Variants in SREK1IP1 observed in about 807,000 individuals in gnomAD.
The protein encoded by SREK1IP1 is SREK1 interacting protein 1.
Under a neutral mutation model 22.8 loss-of-function variants are expected in SREK1IP1, and 12 were observed. The observed-to-expected ratio is 0.53, with a 90% CI of 0.34 to 0.85. The LOEUF (loss-of-function observed/expected upper bound fraction) is 0.85, where lower values mean the gene tolerates loss of function less well. Among genes scored for constraint, SREK1IP1 ranks in the 40% least tolerant of loss-of-function variants. SREK1IP1 has a pLI of 0.02. For synonymous variants in SREK1IP1, 53 were observed against 52.7 expected, an observed-to-expected ratio of 1.01 and a Z score of -0.02; for missense variants, 147 against 171.8, an observed-to-expected ratio of 0.86 and a Z score of 0.81.
At chr5:64,752,147 T>G (rs1453616094) in intron 2 of SREK1IP1, among the ~76,000 whole-genome samples, 2 of 76,348 alleles carry the variant, frequency 2.6e-5, no homozygotes, top group Non-Finnish European at 5.7e-5. Flanking sequence ...TTTTTGTGTG[T>G]TTTTTTTTTT....
chr5:64,757,296 T>C (rs1362748460), intron 1 of SREK1IP1, among the ~76,000 whole-genome samples: 1 of 152,138 alleles, frequency 6.6e-6, no homozygotes, highest in Non-Finnish European at 1.5e-5. Flanking sequence ...CCTGGGAGGC[T>C]GAGGTAGGAG....
rs1742179713 is a variant in SREK1IP1, at chr5:64,722,313, A to C, written c.*2071T>G. 1 of 152,194 alleles carries C rather than the reference A, an allele frequency of 6.6e-6. No homozygotes were observed. Among genetic ancestry groups the C allele is most frequent in the Non-Finnish European group, 1.5e-5 (1 of 68,034 alleles). 9.4% of individuals were successfully genotyped at this position (152,194 alleles called of 1,614,324 possible). A position where few individuals can be genotyped will look rare whatever the true frequency, so the allele number is the denominator to read the frequency against. ...AGTCATTATTGTGTCACCATTCAGA[A>C]ACCTAATGAGCCAATTTATAATCTC... is the stretch of plus-strand genomic sequence containing the variant. On this transcript the variant is annotated 3_prime_UTR_variant, in exon 5 of 5. Coordinates refer to ENST00000513458, the MANE Select transcript of SREK1IP1 (RefSeq NM_173829.4).
chr5:64,768,206 C>T (rs1743091578), intron 1 of SREK1IP1, among the ~76,000 whole-genome samples: 1 of 152,108 alleles, frequency 6.6e-6, no homozygotes, highest in African/African-American at 2.4e-5. Flanking sequence ...TTTTCTCGGC[C>T]GCTTGCCCCC....
chr5:64,767,630 T>G (rs1049881736), intron 1 of SREK1IP1, among the ~76,000 whole-genome samples: 1 of 152,256 alleles, frequency 6.6e-6, no homozygotes, highest in Admixed American at 6.5e-5. Flanking sequence ...AAGTTAGGGT[T>G]CTGAACCATA....
chr5:64,763,554 GA>G (rs142924171), intron 1 of SREK1IP1, among the ~76,000 whole-genome samples: 37 of 144,600 alleles, frequency 2.6e-4, no homozygotes, highest in Admixed American at 4.1e-4. Context: ...CCCAAAAAAA[GA>G]AAAAAAAAAT....
intron 3 of SREK1IP1, among the ~76,000 whole-genome samples, chr5:64,733,849 G>C (rs1199147596): frequency 6.6e-6 from 1 of 152,048 alleles, no homozygotes; most frequent in Non-Finnish European, 1.5e-5. Flanking sequence ...ATTATAATTA[G>C]TGAAAAAAGC....
At chr5:64,751,771 T>C (rs1299025606) in intron 2 of SREK1IP1, among the ~76,000 whole-genome samples, 1 of 152,232 alleles carries the variant, frequency 6.6e-6, no homozygotes, top group Non-Finnish European at 1.5e-5. Flanking sequence ...CTTGCCTACC[T>C]TTGAAGAAGC....
At chr5:64,764,766 A>G (rs2610248) in intron 1 of SREK1IP1, among the ~76,000 whole-genome samples, 25,506 of 152,188 alleles carry the variant, frequency 0.17, 2,602 homozygotes, top group Non-Finnish European at 0.23. Flanking sequence ...GATCAGATAT[A>G]TGATTCAGGA....
chr5:64,760,123 A>G (rs1742920685), intron 1 of SREK1IP1, among the ~76,000 whole-genome samples: 1 of 152,224 alleles, frequency 6.6e-6, no homozygotes, highest in Non-Finnish European at 1.5e-5. Context: ...TACGGTATGA[A>G]ATAATGGGGA....
chr5:64,739,466 T>C (rs866658548), intron 3 of SREK1IP1, among the ~76,000 whole-genome samples: 1 of 152,098 alleles, frequency 6.6e-6, no homozygotes, highest in Non-Finnish European at 1.5e-5. Context: ...TAGCCTTATA[T>C]TCAGCCAGAG....
Position 64,743,531 on chromosome 5 carries a change from AT to A in SREK1IP1, c.62-2332del, listed in dbSNP as rs142957656. Among the ~76,000 whole-genome samples, 1,093 of 152,118 alleles carry A rather than the reference AT, an allele frequency of 7.2e-3. 21 individuals carry two copies. The highest frequency in any genetic ancestry group is 0.025 in the African/African-American group (1,025 of 41,470). On this transcript the variant is annotated intron_variant, in intron 2 of 4. Coordinates refer to ENST00000513458, the MANE Select transcript of SREK1IP1 (RefSeq NM_173829.4). ...GCTTGTTCAACTCTTCTCCATCTTA[AT>A]TTTTTTGTCTAATAACTTCTGATAG...
intron 1 of SREK1IP1, among the ~76,000 whole-genome samples, chr5:64,764,443 A>T (rs115306333): frequency 5.4e-4 from 83 of 152,364 alleles, no homozygotes; most frequent in African/African-American, 2.0e-3. Context: ...TAGGTAGGAA[A>T]GCACTTGAGA....
rs1361990851 is a variant in SREK1IP1 at position 64,722,882 on chromosome 5, T to C, written c.*1502A>G. 2 of 152,220 alleles carry C rather than the reference T, an allele frequency of 1.3e-5. No individual in the cohort carries two copies. The highest frequency in any genetic ancestry group is 2.4e-5 in the African/African-American group (1 of 41,446). The allele number at this position is 152,220 out of a possible 1,614,324, so 9.4% of individuals were successfully genotyped here. A position where few individuals can be genotyped will look rare whatever the true frequency, so the allele number is the denominator to read the frequency against. On this transcript the variant is annotated 3_prime_UTR_variant, in exon 5 of 5. Coordinates refer to ENST00000513458, the MANE Select transcript of SREK1IP1 (RefSeq NM_173829.4). ...CTGAGTCTTACTGAGGGTATCCACA[T>C]TGGGTGCCAGGTGAAACAAGAATCA...
rs777815328 is a variant in SREK1IP1, at chr5:64,741,084, T to G, written c.178A>C (p.Asn60His). The G allele has an allele frequency of 6.2e-7, 1 of 1,612,264 alleles. No homozygotes were observed. Among genetic ancestry groups the G allele is most frequent in the Non-Finnish European group, 8.5e-7 (1 of 1,179,246 alleles). ...EDSDEENEEL[N>H]KLQALQEKRI... ...TTTTCCTGTAATGCCTGCAATTTAT[T>G]CAGTTCTTCATTCTCTTCATCGCTA... The change falls in exon 3 of 5, where the codon AAT (asparagine) becomes CAT (histidine). Residue 60 changes from asparagine to histidine, a missense_variant. Coordinates refer to ENST00000513458, the MANE Select transcript of SREK1IP1 (RefSeq NM_173829.4).
chr5:64,755,562 A>G (rs6449753), intron 1 of SREK1IP1, among the ~76,000 whole-genome samples: 9,555 of 152,110 alleles, frequency 0.063, 972 homozygotes, highest in African/African-American at 0.22. Context: ...CCATTGGGAG[A>G]GGAGGGAGGA....
At chr5:64,746,218 C>A (rs1014829667) in intron 2 of SREK1IP1, among the ~76,000 whole-genome samples, 12 of 152,166 alleles carry the variant, frequency 7.9e-5, no homozygotes, top group African/African-American at 2.9e-4. Flanking sequence ...TAAAAATTAA[C>A]TAAAAATGGG....
In SREK1IP1 at chr5:64,744,630, T is replaced by C. The variant is rs574007920; in HGVS notation, c.62-3430A>G. 2.4e-4 allele frequency among the ~76,000 whole-genome samples: 36 copies of C among 152,352 alleles called. No individual in the cohort carries two copies. The East Asian group carries it at 4.4e-3, about 19-fold the overall frequency. ...GGAATATCAGCAATGTTCAATCAAA[T>C]ATGTGTTTTTTCCTTGTCCCTTTAT... On this transcript the variant is annotated intron_variant, in intron 2 of 4. Coordinates refer to ENST00000513458, the MANE Select transcript of SREK1IP1 (RefSeq NM_173829.4).
chr5:64,736,352 G>A (rs1397122897), intron 3 of SREK1IP1, among the ~76,000 whole-genome samples: 1 of 152,150 alleles, frequency 6.6e-6, no homozygotes, highest in Non-Finnish European at 1.5e-5. Flanking sequence ...AATGAGAAAG[G>A]TGTTGAGATC....
At chr5:64,725,194 G>T (rs1742242371) in intron 4 of SREK1IP1, among the ~76,000 whole-genome samples, 1 of 151,724 alleles carries the variant, frequency 6.6e-6, no homozygotes, top group African/African-American at 2.4e-5. Context: ...AAAAGGATGG[G>T]TTATCATTGT....
Sources: allele counts gnomAD v4.1 joint callset (sites outside exome capture counted in the v4.1 genomes callset), GRCh38; gene constraint gnomAD v4.1.1; transcripts MANE v1.5; gene names NCBI Gene and HGNC (gene_info 2026-07-23, HGNC 2026-07-21).